Variants in TENM3 observed in about 807,000 individuals in gnomAD.
TENM3 encodes the protein teneurin transmembrane protein 3.
TENM3 carries 63 observed loss-of-function variants against 255.1 expected under a neutral mutation model. The ratio of observed to expected loss-of-function variants is 0.25; its 90% CI spans 0.20 to 0.30. The LOEUF (loss-of-function observed/expected upper bound fraction) is 0.30. Ranked by LOEUF, TENM3 falls within the 10% of genes least tolerant of loss-of-function variation. The pLI is 1.00. For missense variants in TENM3, 2,929 were observed against 3,461.1 expected (o/e 0.85, Z 3.86); for synonymous variants, 1,306 against 1,322.3 (o/e 0.99, Z 0.27).
At chr4:182,110,113 CAA>C in the TENM3 span, among the ~76,000 whole-genome samples, 611 of 109,604 alleles carry the variant, frequency 5.6e-3, 3 homozygotes, top group African/African-American at 0.014. Context: ...GACTCTGTCT[CAA>C]AAAAAAAAAA....
chr4:181,460,168 C>T, the TENM3 span, among the ~76,000 whole-genome samples: 1 of 151,898 alleles, frequency 6.6e-6, no homozygotes, highest in Non-Finnish European at 1.5e-5. Context: ...ACACGGTATT[C>T]TGCAATGTAA....
At chr4:182,384,190 A>T (rs1767751107) in intron 3 of TENM3, among the ~76,000 whole-genome samples, 1 of 152,228 alleles carries the variant, frequency 6.6e-6, no homozygotes, top group African/African-American at 2.4e-5. Context: ...TCAAATGAAA[A>T]AACATATACT....
At chr4:181,615,241 C>T in the TENM3 span, among the ~76,000 whole-genome samples, 1 of 152,126 alleles carries the variant, frequency 6.6e-6, no homozygotes, top group South Asian at 2.1e-4. Context: ...TAAATAGCAG[C>T]TCTCTACTGT....
chr4:181,955,727 G>T, the TENM3 span, among the ~76,000 whole-genome samples: 1 of 152,144 alleles, frequency 6.6e-6, no homozygotes, highest in African/African-American at 2.4e-5. Context: ...TTAACGAAGG[G>T]CTGCCATGGT....
At chr4:182,618,887 G>GA (rs1244526356) in intron 4 of TENM3, among the ~76,000 whole-genome samples, 3 of 151,998 alleles carry the variant, frequency 2.0e-5, no homozygotes, top group African/African-American at 7.2e-5. Context: ...AAAAAGAAGA[G>GA]AAAGAAATGC....
intron 5 of TENM3, among the ~76,000 whole-genome samples, chr4:182,632,433 A>G (rs951823329): frequency 2.6e-5 from 4 of 152,144 alleles, no homozygotes; most frequent in Admixed American, 2.0e-4. Context: ...TTATCTGTCT[A>G]TATTTTATTA....
chr4:182,248,445 G>A (rs866541628), intron 1 of TENM3, among the ~76,000 whole-genome samples: 10 of 152,082 alleles, frequency 6.6e-5, no homozygotes, highest in Non-Finnish European at 7.4e-5. Context: ...AATTTGAGGT[G>A]ATTCTTCTAA....
chr4:182,269,498 A>G (rs1026521037), intron 1 of TENM3, among the ~76,000 whole-genome samples: 1 of 152,072 alleles, frequency 6.6e-6, no homozygotes, highest in East Asian at 1.9e-4. Flanking sequence ...CTGAGAGAAG[A>G]TGTCACCCAA....
chr4:181,995,535 A>G, the TENM3 span, among the ~76,000 whole-genome samples: 12 of 152,274 alleles, frequency 7.9e-5, no homozygotes, highest in East Asian at 3.9e-4. Flanking sequence ...AGGCATTTAC[A>G]TGGGAGTTGG....
chr4:182,319,694 T>C (rs1166480097), intron 1 of TENM3, among the ~76,000 whole-genome samples: 1 of 152,238 alleles, frequency 6.6e-6, no homozygotes, highest in Non-Finnish European at 1.5e-5. Context: ...TTAGAAGTAT[T>C]ACCACAAAGT....
At chr4:181,889,058 A>C in the TENM3 span, among the ~76,000 whole-genome samples, 37 of 152,204 alleles carry the variant, frequency 2.4e-4, no homozygotes, top group South Asian at 7.7e-3. Context: ...AGCCCACTAA[A>C]GTTGACATAT....
intron 12 of TENM3, among the ~76,000 whole-genome samples, chr4:182,705,913 C>G (rs938790563): frequency 6.6e-6 from 1 of 152,080 alleles, no homozygotes; most frequent in African/African-American, 2.4e-5. Flanking sequence ...TTCCAAACTT[C>G]GGATTTTTTA....
chr4:181,892,870 A>G, the TENM3 span, among the ~76,000 whole-genome samples: 1 of 152,226 alleles, frequency 6.6e-6, no homozygotes. Flanking sequence ...TCATGAATAT[A>G]TGAATTTCCT....
At chr4:182,105,782 T>C in the TENM3 span, among the ~76,000 whole-genome samples, 1 of 152,218 alleles carries the variant, frequency 6.6e-6, no homozygotes, top group Admixed American at 6.5e-5. Flanking sequence ...TTGATCTCTG[T>C]ATCCAGGTGG....
chr4:181,796,216 G>A, the TENM3 span, among the ~76,000 whole-genome samples: 2 of 152,090 alleles, frequency 1.3e-5, no homozygotes, highest in East Asian at 1.9e-4. Flanking sequence ...TATAGTCATC[G>A]ATTCCTTCAT....
At chr4:182,003,632 C>G in the TENM3 span, among the ~76,000 whole-genome samples, 2 of 152,076 alleles carry the variant, frequency 1.3e-5, no homozygotes, top group African/African-American at 4.8e-5. Context: ...GTTATTTACA[C>G]ATTGTGAGCT....
At chr4:182,354,517 G>C (rs1765396597) in intron 3 of TENM3, among the ~76,000 whole-genome samples, 2 of 152,184 alleles carry the variant, frequency 1.3e-5, no homozygotes, top group Non-Finnish European at 2.9e-5. Context: ...TGTCGGAAAA[G>C]CAGCTAACTG....
chr4:182,076,793 CATCTGCTG>C, the TENM3 span, among the ~76,000 whole-genome samples: 1 of 152,136 alleles, frequency 6.6e-6, no homozygotes, highest in Admixed American at 6.5e-5. Flanking sequence ...GGCAACTACT[CATCTGCTG>C]AAAAGCAGCC....
intron 3 of TENM3, among the ~76,000 whole-genome samples, chr4:182,432,130 G>A (rs1026501403): frequency 6.6e-6 from 1 of 151,794 alleles, no homozygotes; most frequent in African/African-American, 2.4e-5. Context: ...AGAGCCAGGG[G>A]AATACAAGAG....
Sources: allele counts gnomAD v4.1 joint callset (sites outside exome capture counted in the v4.1 genomes callset), GRCh38; gene constraint gnomAD v4.1.1; transcripts MANE v1.5; gene names NCBI Gene and HGNC (gene_info 2026-07-23, HGNC 2026-07-21).